Variants in ZNF791 observed in about 807,000 individuals in gnomAD.
ZNF791 encodes the protein zinc finger protein 791.
ZNF791 carries 4 observed loss-of-function variants against 11.5 expected under a neutral mutation model. The observed-to-expected ratio is 0.35, with a 90% confidence interval of 0.17 to 0.80. The LOEUF is 0.80. Among genes scored for constraint, ZNF791 ranks in the 30% least tolerant of loss-of-function variants. ZNF791 has a pLI of 0.53. For synonymous variants in ZNF791, 212 were observed against 228.1 expected (o/e 0.93, Z 0.64); for missense variants, 559 against 699.4 (o/e 0.80, Z 2.26).
chr19:12,613,868 G>A (rs1489428646), intron 1 of ZNF791, among the ~76,000 whole-genome samples: 1 of 152,174 alleles, frequency 6.6e-6, no homozygotes, highest in African/African-American at 2.4e-5. Context: ...TAGGGGAAGA[G>A]GGGAGGATGT....
rs1288720572 is a variant in ZNF791, at chr19:12,628,908, G to T, written c.1379G>T (p.Arg460Ile). 2 of 1,613,742 alleles carry T rather than the reference G, an allele frequency of 1.2e-6. No individual in the cohort carries two copies. The highest frequency in any genetic ancestry group is 2.2e-5 in the East Asian group (1 of 44,882). Residue 460 changes from arginine to isoleucine, a missense_variant, in exon 4 of 4, where the codon AGA (arginine) becomes ATA (isoleucine). Coordinates refer to ENST00000343325, the MANE Select transcript of ZNF791 (RefSeq NM_153358.3). ...CCTAGTGCGTTACGAACACATGAAA[G>T]AACTCACACTGGAGAGAAACCCTAT... ...IFPSALRTHE[R>I]THTGEKPYEC...
intron 3 of ZNF791, among the ~76,000 whole-genome samples, chr19:12,626,168 C>T (rs904492363): frequency 3.3e-5 from 5 of 152,212 alleles, no homozygotes; most frequent in African/African-American, 4.8e-5. Context: ...AGGCATGCAT[C>T]ACCATGCCCG....
chr19:12,611,060 G>A lies in ZNF791; in HGVS notation c.-20G>A. 1 of 1,614,158 alleles carries A rather than the reference G, an allele frequency of 6.2e-7. No individual in the cohort carries two copies. On this transcript the variant is annotated 5_prime_UTR_variant, in exon 1 of 4. Coordinates refer to ENST00000343325, the MANE Select transcript of ZNF791 (RefSeq NM_153358.3). ...CCGTGAACCTTAGGGACAACACCGG[G>A]ACACCCGCGAGGCCGGAAAATGGTG...
chr19:12,612,419 T>G (rs1424840038), intron 1 of ZNF791: 1 of 148,708 alleles, frequency 6.7e-6, no homozygotes, highest in Non-Finnish European at 1.5e-5. Flanking sequence ...CCTTTATTTA[T>G]TTATTTATTT....
Position 12,623,878 on chromosome 19 carries a change from G to GGGA in ZNF791, c.130+52_130+53insGGA, listed in dbSNP as rs762386861. 17 of 917,848 alleles carry GGGA rather than the reference G, an allele frequency of 1.9e-5. No individual in the cohort carries two copies. In the African/African-American group the frequency reaches 2.5e-4, roughly 14 times the overall value. 56.9% of individuals were successfully genotyped at this position (917,848 alleles called of 1,614,324 possible). ...TTCTTTTTTTTTTTTTTTGGGGGGG[G>GGGA]ACAGAGTTTCACTATTGTCCAGGCT... On this transcript the variant is annotated intron_variant, in intron 2 of 3. Transcript: ENST00000343325.
chr19:12,611,569 C>G (rs560270479), intron 1 of ZNF791, among the ~76,000 whole-genome samples: 1 of 152,196 alleles, frequency 6.6e-6, no homozygotes, highest in Non-Finnish European at 1.5e-5. Flanking sequence ...GTCACCAACT[C>G]TTTGTCCTGT....
In ZNF791 at chr19:12,610,977, C is replaced by T. The variant is rs920672090; in HGVS notation, c.-103C>T. The T allele has an allele frequency of 2.0e-6, 3 of 1,511,806 alleles. No homozygotes were observed. Among genetic ancestry groups the T allele is most frequent in the African/African-American group, 2.7e-5 (2 of 73,010 alleles). The allele number at this position is 1,511,806 out of a possible 1,614,324, so 93.6% of individuals were successfully genotyped here. ...GTGCTTAGCTTGGGGTCTCCTGGCCCCTTGACGCGTCAGGTTGCTGTACCC... is the reference window on the plus strand; with the variant it reads ...GTGCTTAGCTTGGGGTCTCCTGGCCTCTTGACGCGTCAGGTTGCTGTACCC... On this transcript the variant is annotated 5_prime_UTR_variant, in exon 1 of 4. Transcript: ENST00000343325.
intron 1 of ZNF791, among the ~76,000 whole-genome samples, chr19:12,616,653 A>T (rs571179974): frequency 3.9e-5 from 6 of 152,104 alleles, no homozygotes; most frequent in Non-Finnish European, 7.3e-5. Context: ...AGATTGCACC[A>T]CTGCACTCCA....
In ZNF791 at chr19:12,628,064, G is replaced by A; in HGVS notation, c.535G>A (p.Glu179Lys). The A allele has an allele frequency of 6.2e-7, 1 of 1,613,700 alleles. No individual in the cohort carries two copies. The highest frequency in any genetic ancestry group is 8.5e-7 in the Non-Finnish European group (1 of 1,179,854). ...FIYHQPFQRH[E>K]RTHIGEKPYE... ...ATATCACCAGCCCTTTCAAAGACAT[G>A]AGCGGACTCACATTGGAGAAAAACC... Residue 179 changes from glutamate (E) to lysine (K), a missense_variant, in exon 4 of 4, where the codon GAG becomes AAG. By Grantham distance (56) the Glu-to-Lys change is moderately conservative. Coordinates refer to ENST00000343325, the MANE Select transcript of ZNF791 (RefSeq NM_153358.3).
intron 1 of ZNF791, among the ~76,000 whole-genome samples, chr19:12,615,263 G>A (rs1206708171): frequency 2.6e-5 from 4 of 151,558 alleles, no homozygotes; most frequent in South Asian, 2.1e-4. Flanking sequence ...CACTTCTCCC[G>A]CCCTGGCCTC....
chr19:12,630,973 T>C lies in ZNF791; in HGVS notation c.*1713T>C, dbSNP rs979304282. On this transcript the variant is annotated 3_prime_UTR_variant, in exon 4 of 4. Coordinates refer to ENST00000343325, the MANE Select transcript of ZNF791 (RefSeq NM_153358.3). ...TTTTATGAATGTAGTGTAGTCCAAG[T>C]GTACAGTGTTTATAAATTCTCCATT... 3.3e-5 allele frequency: 5 copies of C among 152,334 alleles called. No individual in the cohort carries two copies. The East Asian group carries it at 9.6e-4, about 29-fold the overall frequency. 9.4% of individuals were successfully genotyped at this position (152,334 alleles called of 1,614,324 possible).
chr19:12,627,160 GAC>G (rs2023441903), intron 3 of ZNF791, among the ~76,000 whole-genome samples: 1 of 148,830 alleles, frequency 6.7e-6, no homozygotes, highest in African/African-American at 2.5e-5. Flanking sequence ...CAGTGCGGGT[GAC>G]AGAGTGAGAC....
Position 12,628,572 on chromosome 19 carries a change from G to C in ZNF791, c.1043G>C (p.Arg348Thr), listed in dbSNP as rs779833506. 1 of 1,600,522 alleles carries C rather than the reference G, an allele frequency of 6.2e-7. No individual in the cohort carries two copies. The highest frequency in any genetic ancestry group is 8.5e-7 in the Non-Finnish European group (1 of 1,174,118). ...CGCCCAGCCTTTCGAGTACACGTGA[G>C]AGTGCATACTGGAGAGAAACCCTAT... is the stretch of plus-strand genomic sequence containing the variant. ...SARPAFRVHV[R>T]VHTGEKPYKC... Residue 348 changes from arginine to threonine, a missense_variant, in exon 4 of 4, where the codon AGA becomes ACA. Arg to Thr is a moderately conservative substitution (Grantham distance 71, BLOSUM62 -1). Coordinates refer to ENST00000343325, the MANE Select transcript of ZNF791 (RefSeq NM_153358.3).
At position 12,621,437 on chromosome 19, in the gene ZNF791, T is replaced by C. The variant is rs117067242; in HGVS notation, c.4-2263T>C. On this transcript the variant is annotated intron_variant, in intron 1 of 3. Transcript: ENST00000343325. The stretch of plus-strand genomic sequence containing the variant: ...GGAAAAACTGGGTCTATGATAGATA[T>C]TACACACACAGCCGGGCGTGGTCGC... 4.7e-4 allele frequency among the ~76,000 whole-genome samples: 69 copies of C among 146,298 alleles called. No individual in the cohort carries two copies. The East Asian group carries it at 0.013, about 27-fold the overall frequency.
chr19:12,625,129 A>AT (rs1408824298), intron 3 of ZNF791, among the ~76,000 whole-genome samples: 2 of 150,992 alleles, frequency 1.3e-5, no homozygotes, highest in African/African-American at 4.9e-5. Context: ...TGTTTTATTT[A>AT]TTTTTTCTTG....
chr19:12,623,654 A>T, intron 1 of ZNF791, 46 bp from the exon 2 acceptor site: 1 of 1,611,382 alleles, frequency 6.2e-7, no homozygotes, highest in Non-Finnish European at 8.5e-7. Context: ...GATACCTCTC[A>T]TCCTTGTCAA....
At chr19:12,619,158 T>A (rs1210662691) in intron 1 of ZNF791, among the ~76,000 whole-genome samples, 1 of 152,074 alleles carries the variant, frequency 6.6e-6, no homozygotes, top group East Asian at 1.9e-4. Flanking sequence ...TCTCAGTATA[T>A]TTCTCATATG....
At chr19:12,616,008 A>G (rs1042386790) in intron 1 of ZNF791, among the ~76,000 whole-genome samples, 3 of 152,206 alleles carry the variant, frequency 2.0e-5, no homozygotes, top group African/African-American at 7.2e-5. Flanking sequence ...GAAACTGCCT[A>G]TCTTCCAAAG....
chr19:12,617,421 G>A (rs2023261367), intron 1 of ZNF791, among the ~76,000 whole-genome samples: 1 of 152,076 alleles, frequency 6.6e-6, no homozygotes, highest in African/African-American at 2.4e-5. Context: ...ACTGCGCCCG[G>A]CCCAAATTTA....
Sources: gnomAD v4.1 joint callset for allele counts (sites outside exome capture counted in the v4.1 genomes callset) on GRCh38, gnomAD v4.1.1 for gene constraint, MANE v1.5 for transcripts, NCBI Gene and HGNC (gene_info 2026-07-23, HGNC 2026-07-21) for gene names.